ABCD3: variants seen among roughly 807,000 people sequenced by gnomAD.
ABCD3 encodes the protein ATP binding cassette subfamily D member 3, also known as ATP-binding cassette sub-family D member 3.
In ABCD3, 41 loss-of-function variants were observed where a neutral mutation model predicts 105.5. The observed-to-expected ratio is 0.39, with a 90% CI of 0.30 to 0.50. The LOEUF is 0.50. Ranked by LOEUF, ABCD3 falls within the 20% of genes least tolerant of loss-of-function variation. The pLI, the probability that ABCD3 is intolerant of heterozygous loss-of-function variation, is 0.84. For missense variants in ABCD3, 622 were observed against 806.3 expected (o/e 0.77, Z 2.77); for synonymous variants, 258 against 269.0 (o/e 0.96, Z 0.40).
chr1:94,394,369 A>G, the ABCD3 span, among the ~76,000 whole-genome samples: 1 of 152,334 alleles, frequency 6.6e-6, no homozygotes, highest in Non-Finnish European at 1.5e-5. Flanking sequence ...GCTCCTTGCC[A>G]TGTAAAGGTA....
At chr1:94,396,633 G>A in the ABCD3 span, among the ~76,000 whole-genome samples, 3 of 152,222 alleles carry the variant, frequency 2.0e-5, no homozygotes, top group Admixed American at 6.5e-5. Flanking sequence ...GTGCGTGTGT[G>A]TTTATAGAAC....
chr1:94,409,203 A>G, the ABCD3 span, among the ~76,000 whole-genome samples: 1 of 152,192 alleles, frequency 6.6e-6, no homozygotes, highest in Non-Finnish European at 1.5e-5. Flanking sequence ...GTACATTTGA[A>G]AATAACTAAA....
chr1:94,413,664 T>A (rs775460611), upstream of ABCD3, among the ~76,000 whole-genome samples: 8 of 152,216 alleles, frequency 5.3e-5, no homozygotes, highest in Non-Finnish European at 1.2e-4. Flanking sequence ...GTTGGGTACC[T>A]ATTCTCCTTC....
intron 1 of ABCD3, among the ~76,000 whole-genome samples, chr1:94,435,847 A>G (rs1409347580): frequency 1.3e-5 from 2 of 152,210 alleles, no homozygotes; most frequent in Non-Finnish European, 2.9e-5. Context: ...TCTTCTTGTC[A>G]TTATGAACCT....
upstream of ABCD3, among the ~76,000 whole-genome samples, chr1:94,415,885 G>A (rs1043829479): frequency 2.0e-5 from 3 of 152,066 alleles, no homozygotes; most frequent in African/African-American, 4.8e-5. Context: ...CAATTCCTCT[G>A]CTGTATAGTA....
In ABCD3 at chr1:94,499,000, G is replaced by T. The variant is rs755685193; in HGVS notation, c.1586G>T (p.Arg529Leu). The change falls in exon 19 of 23, where the codon CGA (arginine) becomes CTA (leucine). Residue 529 changes from arginine (R) to leucine (L), a missense_variant. Around this residue, in one of 4 missense-constraint regions of ABCD3, gnomAD observed 285 missense variants for 352.5 expected, o/e 0.81. Coordinates refer to ENST00000370214, the MANE Select transcript of ABCD3 (RefSeq NM_002858.4). The part of the protein sequence containing the change: ...LRDQVIYPDG[R>L]EDQKRKGISD... Reference sequence around the variant, plus strand: ...GATCAAGTGATATATCCAGATGGACGAGAAGATCAGAAAAGGAAGGGAATT... The same window carrying T: ...GATCAAGTGATATATCCAGATGGACTAGAAGATCAGAAAAGGAAGGGAATT... 3.7e-6 allele frequency: 6 copies of T among 1,613,780 alleles called. No individual in the cohort carries two copies. The highest frequency in any genetic ancestry group is 5.1e-6 in the Non-Finnish European group (6 of 1,179,936).
chr1:94,391,081 A>G, the ABCD3 span, among the ~76,000 whole-genome samples: 14 of 152,190 alleles, frequency 9.2e-5, no homozygotes, highest in Non-Finnish European at 1.6e-4. Flanking sequence ...TTTATCATAT[A>G]TCCTTGCAGT....
Position 94,517,363 on chromosome 1 carries a change from C to G in ABCD3, c.*234C>G. ...ATTAATAATATGTACTAAGAATGTC[C>G]TTATTCTTGTGGTTAAAAACCTGCC... On this transcript the variant is annotated 3_prime_UTR_variant, in exon 23 of 23. Coordinates refer to ENST00000370214, the MANE Select transcript of ABCD3 (RefSeq NM_002858.4). 2.3e-6 allele frequency: 1 copy of G among 430,236 alleles called. No individual in the cohort carries two copies. The allele number at this position is 430,236 out of a possible 1,614,324, so 26.7% of individuals were successfully genotyped here.
At chr1:94,482,389 T>C (rs1467352568) in intron 9 of ABCD3, 1 of 152,220 alleles carries the variant, frequency 6.6e-6, no homozygotes, top group Admixed American at 6.5e-5. Flanking sequence ...TCTAGACTTC[T>C]CTATAAATAT....
chr1:94,490,210 T>A (rs972406095), intron 15 of ABCD3, among the ~76,000 whole-genome samples: 11 of 152,176 alleles, frequency 7.2e-5, no homozygotes, highest in African/African-American at 2.2e-4. Context: ...TTAATTTACC[T>A]ATCGCCTCTA....
At chr1:94,455,702 T>TTA (rs1394249457) in intron 1 of ABCD3, 2 of 521,076 alleles carry the variant, frequency 3.8e-6, no homozygotes, top group Admixed American at 4.7e-5. Flanking sequence ...AATTGAAGCT[T>TTA]TATAAGATGT....
upstream of ABCD3, among the ~76,000 whole-genome samples, chr1:94,414,042 T>C (rs941258021): frequency 3.2e-4 from 48 of 152,084 alleles, no homozygotes; most frequent in Non-Finnish European, 5.4e-4. Context: ...AAGGGAAGAC[T>C]ACAGAAGTGA....
At chr1:94,409,321 C>T in the ABCD3 span, among the ~76,000 whole-genome samples, 1 of 152,148 alleles carries the variant, frequency 6.6e-6, no homozygotes, top group Admixed American at 6.5e-5. Flanking sequence ...ATCAAAATAT[C>T]TCATGTAACC....
the ABCD3 span, among the ~76,000 whole-genome samples, chr1:94,387,964 G>T: frequency 6.6e-6 from 1 of 152,116 alleles, no homozygotes; most frequent in Non-Finnish European, 1.5e-5. Flanking sequence ...ATGAGGGAGT[G>T]AAGGCTCAGG....
Position 94,510,164 on chromosome 1 carries a change from C to T in ABCD3, c.1845+3522C>T, listed in dbSNP as rs553613938. 3.6e-4 allele frequency among the ~76,000 whole-genome samples: 55 copies of T among 152,074 alleles called. 1 individual carries two copies. In the South Asian group the frequency reaches 6.2e-3, roughly 17 times the overall value. On this transcript the variant is annotated intron_variant, in intron 21 of 22. Coordinates refer to ENST00000370214, the MANE Select transcript of ABCD3 (RefSeq NM_002858.4). The stretch of plus-strand genomic sequence containing the variant: ...TTCCCTCTACACACTGCTTTGAATG[C>T]GTCCCAGAGATTCTGGTATGTTGTG...
At chr1:94,478,698 T>A in intron 8 of ABCD3, 1 of 958,440 alleles carries the variant, frequency 1.0e-6, no homozygotes, top group South Asian at 2.6e-5. Context: ...AAAATAATAA[T>A]AAAACAGAAG....
chr1:94,495,935 A>G (rs187884732), intron 16 of ABCD3, among the ~76,000 whole-genome samples: 33 of 152,316 alleles, frequency 2.2e-4, no homozygotes, highest in African/African-American at 7.7e-4. Context: ...AAATTGTGTT[A>G]TTTAAAAAGA....
At chr1:94,501,008 T>G (rs1186627023) in intron 20 of ABCD3, among the ~76,000 whole-genome samples, 1 of 151,958 alleles carries the variant, frequency 6.6e-6, no homozygotes, top group Non-Finnish European at 1.5e-5. Context: ...AATGGAAGGA[T>G]GTGGTTCAGA....
intron 21 of ABCD3, among the ~76,000 whole-genome samples, chr1:94,506,909 A>T (rs549191509): frequency 6.6e-6 from 1 of 151,918 alleles, no homozygotes; most frequent in African/African-American, 2.4e-5. Flanking sequence ...TATAAATGAG[A>T]TACAAAAGAT....
Sources: gnomAD v4.1 joint callset for allele counts (sites outside exome capture counted in the v4.1 genomes callset) on GRCh38, gnomAD v4.1.1 for gene constraint, gnomAD v4.1.1 regional missense constraint, MANE v1.5 for transcripts, NCBI Gene and HGNC (gene_info 2026-07-23, HGNC 2026-07-21) for gene names.